Variants in DGKB observed in about 807,000 individuals in gnomAD.
DGKB encodes 90 kDa diacylglycerol kinase.
Under a neutral mutation model 114.3 loss-of-function variants are expected in DGKB, and 67 were observed. That is an observed-to-expected ratio of 0.59 (90% CI 0.48 to 0.72). DGKB has a LOEUF of 0.72. Ranked by LOEUF, DGKB falls within the 30% of genes least tolerant of loss-of-function variation. The pLI is 0.00. For synonymous variants in DGKB, 398 were observed against 323.1 expected, an observed-to-expected ratio of 1.23 and a Z score of -2.49; for missense variants, 907 against 975.2, an observed-to-expected ratio of 0.93 and a Z score of 0.93.
In DGKB at chr7:14,290,939, C is replaced by T. The variant is rs567300051; in HGVS notation, c.2122+47576G>A. On this transcript the variant is annotated intron_variant, in intron 23 of 25. Transcript: ENST00000402815. ...GGTGTATCACCTGAGCTCAGGAGTT[C>T]GAGACAAGCCTGGCCAACCTGGTGA... Among the ~76,000 whole-genome samples, 64 of 151,432 alleles carry T rather than the reference C, an allele frequency of 4.2e-4. 3 individuals are homozygous for T. In the South Asian group the frequency reaches 0.012, roughly 28 times the overall value.
At position 14,790,230 on chromosome 7, in the gene DGKB, C is replaced by T. The variant is rs73068677; in HGVS notation, c.71-32499G>A. Among the ~76,000 whole-genome samples the T allele has an allele frequency of 1.5e-3, 230 of 152,202 alleles. 1 individual carries two copies. The Middle Eastern group carries it at 0.02, about 14-fold the overall frequency. On this transcript the variant is annotated intron_variant, in intron 2 of 25. Transcript: ENST00000402815. ...ATATGTGTTTTCCAAGTATGTTCTC[C>T]CACTGTCTACCTTTTTCTTCATTTC...
At chr7:14,176,696 C>A in intron 25 of DGKB, 143 bp downstream of exon 25, 1 of 1,480,254 alleles carries the variant, frequency 6.8e-7, no homozygotes, top group East Asian at 2.3e-5. Context: ...GTGGCTCTGA[C>A]ACACACATAA....
At chr7:14,817,495 G>A (rs142693514) in intron 2 of DGKB, among the ~76,000 whole-genome samples, 4 of 152,194 alleles carry the variant, frequency 2.6e-5, no homozygotes, top group African/African-American at 7.2e-5. Flanking sequence ...TATTGATGAC[G>A]ATAAAAACAA....
In DGKB at chr7:14,941,605, C is replaced by CTCAAACAA. The variant is rs1236711701; in HGVS notation, c.-188+33083_-188+33090dup. The stretch of plus-strand genomic sequence containing the variant: ...TTTACCTAAAATTCTTGAAATGGCA[C>CTCAAACAA]TCAAACAATTAATGAGGGTGATTTA... On this transcript the variant is annotated intron_variant, in intron 1 of 4. Transcript: ENST00000437998. 7.2e-5 allele frequency among the ~76,000 whole-genome samples: 11 copies of CTCAAACAA among 152,074 alleles called. 2 individuals are homozygous for CTCAAACAA. Among genetic ancestry groups the CTCAAACAA allele is most frequent in the African/African-American group, 2.2e-4 (9 of 41,506 alleles).
intron 21 of DGKB, among the ~76,000 whole-genome samples, chr7:14,467,091 C>G (rs1307591532): frequency 6.6e-6 from 1 of 151,566 alleles, no homozygotes; most frequent in Non-Finnish European, 1.5e-5. Flanking sequence ...TATACATGTA[C>G]CATATTTATG....
intron 2 of DGKB, among the ~76,000 whole-genome samples, chr7:14,827,766 C>G (rs1488264707): frequency 6.6e-6 from 1 of 152,084 alleles, no homozygotes; most frequent in Non-Finnish European, 1.5e-5. Flanking sequence ...AATCTCCACA[C>G]AGATCCTGTG....
intron 23 of DGKB, among the ~76,000 whole-genome samples, chr7:14,208,744 A>G (rs1471400935): frequency 6.6e-6 from 1 of 152,026 alleles, no homozygotes; most frequent in African/African-American, 2.4e-5. Context: ...TTTGAAATAT[A>G]GAAGTACTAG....
At chr7:14,891,224 C>T (rs572509568) in intron 1 of DGKB, among the ~76,000 whole-genome samples, 3 of 151,472 alleles carry the variant, frequency 2.0e-5, no homozygotes, top group South Asian at 4.2e-4. Flanking sequence ...CAATATAGTG[C>T]ATTTCAGAGA....
chr7:14,179,693 A>G (rs1311797581), intron 23 of DGKB, among the ~76,000 whole-genome samples: 1 of 152,192 alleles, frequency 6.6e-6, no homozygotes, highest in Admixed American at 6.5e-5. Context: ...TCGTAGGTAA[A>G]TTTAATAAAA....
At chr7:14,852,633 A>G (rs1274358290) in intron 1 of DGKB, among the ~76,000 whole-genome samples, 1 of 152,070 alleles carries the variant, frequency 6.6e-6, no homozygotes, top group Non-Finnish European at 1.5e-5. Context: ...CCTAATACAA[A>G]TATGAGCCCA....
chr7:14,463,798 T>C (rs12533796), intron 21 of DGKB, among the ~76,000 whole-genome samples: 2,347 of 152,316 alleles, frequency 0.015, 27 homozygotes, highest in Non-Finnish European at 0.021. Flanking sequence ...CTCCTAAGAT[T>C]GTGTGTGGAT....
intron 1 of DGKB, among the ~76,000 whole-genome samples, chr7:14,969,142 A>G (rs10256582): frequency 0.33 from 50,579 of 151,898 alleles, 9,691 homozygotes; most frequent in East Asian, 0.71. Context: ...GAATCTTGAT[A>G]TTACCGTCTG....
At chr7:14,291,837 C>T (rs1323650969) in intron 23 of DGKB, among the ~76,000 whole-genome samples, 4 of 152,126 alleles carry the variant, frequency 2.6e-5, no homozygotes, top group Non-Finnish European at 4.4e-5. Flanking sequence ...TTGCCCTGAA[C>T]ATTTTGCTTC....
chr7:14,450,316 A>C (rs1197590114), intron 21 of DGKB, among the ~76,000 whole-genome samples: 2 of 152,120 alleles, frequency 1.3e-5, no homozygotes, highest in Non-Finnish European at 2.9e-5. Context: ...TACTCTTGCA[A>C]GTGTTAGGCC....
At chr7:14,645,630 T>A (rs1812811209) in intron 13 of DGKB, among the ~76,000 whole-genome samples, 1 of 151,176 alleles carries the variant, frequency 6.6e-6, no homozygotes, top group South Asian at 2.1e-4. Context: ...CCCATTAGAC[T>A]AACAACACAC....
chr7:14,210,050 G>A (rs1787504687), intron 23 of DGKB, among the ~76,000 whole-genome samples: 1 of 151,998 alleles, frequency 6.6e-6, no homozygotes, highest in Non-Finnish European at 1.5e-5. Flanking sequence ...CATACAAAGT[G>A]GTACAACAAG....
chr7:14,316,396 TAAAG>T (rs1806527809), intron 23 of DGKB, among the ~76,000 whole-genome samples: 1 of 118,428 alleles, frequency 8.4e-6, no homozygotes, highest in African/African-American at 3.4e-5. Flanking sequence ...GCAAGACTAA[TAAAG>T]AAAAAAAGAG....
intron 20 of DGKB, among the ~76,000 whole-genome samples, chr7:14,518,534 T>TTGTGTGTAATATA (rs1789220081): frequency 6.6e-6 from 1 of 152,110 alleles, no homozygotes; most frequent in South Asian, 2.1e-4. Flanking sequence ...TACGTGAACT[T>TTGTGTGTAATATA]TAAAACTTTG....
chr7:14,680,754 A>G (rs1175336077), intron 12 of DGKB, among the ~76,000 whole-genome samples: 2 of 151,998 alleles, frequency 1.3e-5, no homozygotes, highest in Non-Finnish European at 1.5e-5. Context: ...TTAAATAGAG[A>G]AAGAATGAGA....
Sources: allele counts gnomAD v4.1 joint callset (sites outside exome capture counted in the v4.1 genomes callset), GRCh38; gene constraint gnomAD v4.1.1; transcripts MANE v1.5; gene names NCBI Gene and HGNC (gene_info 2026-07-23, HGNC 2026-07-21).